BPIFA2: variants seen among roughly 807,000 people sequenced by gnomAD.
BPIFA2 encodes BPI fold containing family A member 2.
Under a neutral mutation model 25.7 loss-of-function variants are expected in BPIFA2, and 20 were observed. That is an observed-to-expected ratio of 0.78 (90% CI 0.55 to 1.13). The LOEUF (loss-of-function observed/expected upper bound fraction) is 1.13. BPIFA2 is among the 50% of genes most tolerant of loss of function. The probability of loss-of-function intolerance (pLI) is 0.00; values close to 1 mark genes in which losing one functional copy is unlikely to be tolerated. For missense variants in BPIFA2, 300 were observed against 298.1 expected, an observed-to-expected ratio of 1.01 and a Z score of -0.05; for synonymous variants, 126 against 124.3, an observed-to-expected ratio of 1.01 and a Z score of -0.09.
chr20:33,175,628 T>C, intron 5 of BPIFA2, 69 bp downstream of exon 5: 2 of 1,526,204 alleles, frequency 1.3e-6, no homozygotes, highest in Middle Eastern at 3.5e-4. Flanking sequence ...TCAGCTCTAG[T>C]CCTCTACCTA....
intron 1 of BPIFA2, among the ~76,000 whole-genome samples, chr20:33,168,826 A>G (rs1035561145): frequency 6.6e-6 from 1 of 152,196 alleles, no homozygotes; most frequent in African/African-American, 2.4e-5. Flanking sequence ...AATTGACCTA[A>G]GTGGAAAAGT....
At position 33,175,578 on chromosome 20, in the gene BPIFA2, A is replaced by G. The variant is rs1348855893; in HGVS notation, c.563+19A>G. 1 of 1,612,392 alleles carries G rather than the reference A, an allele frequency of 6.2e-7. No individual in the cohort carries two copies. The highest frequency in any genetic ancestry group is 1.1e-5 in the South Asian group (1 of 90,708). On this transcript the variant is annotated intron_variant, in intron 5 of 8. Transcript: ENST00000354932. ...TGGACAAGTAAGTCCCATTCATCTTAGTAGAGCTGGGCTCTCAGGGAACTT... is the reference window on the plus strand; with the variant it reads ...TGGACAAGTAAGTCCCATTCATCTTGGTAGAGCTGGGCTCTCAGGGAACTT...
intron 4 of BPIFA2, among the ~76,000 whole-genome samples, chr20:33,174,903 C>T (rs1218744466): frequency 6.6e-6 from 1 of 151,984 alleles, no homozygotes; most frequent in Non-Finnish European, 1.5e-5. Flanking sequence ...AGAGTGAGAC[C>T]CTGTCTCACA....
At chr20:33,174,835 G>A (rs777847595) in intron 4 of BPIFA2, among the ~76,000 whole-genome samples, 13 of 152,244 alleles carry the variant, frequency 8.5e-5, no homozygotes, top group South Asian at 4.2e-4. Flanking sequence ...TGCTTGAGCC[G>A]GAGAGGTCGA....
chr20:33,178,222 G>A lies in BPIFA2; in HGVS notation c.639G>A (p.Gln213=). ...AAAGCACTGTATCCTCCCTGCTGCA[G>A]AAGGAGGTGAGTCTCCCACTCCTTG... is the stretch of plus-strand genomic sequence containing the variant. ...TLKSTVSSLL[Q]KEICPLIRIF... The change falls in exon 6 of 9, where the codon CAG becomes CAA. Residue 213 remains glutamine, a synonymous_variant. Coordinates refer to ENST00000354932, the MANE Select transcript of BPIFA2 (RefSeq NM_080574.4). The A allele has an allele frequency of 6.3e-7, 1 of 1,590,464 alleles. No homozygotes were observed.
At chr20:33,168,518 A>G (rs1418537777) in intron 1 of BPIFA2, among the ~76,000 whole-genome samples, 2 of 152,214 alleles carry the variant, frequency 1.3e-5, no homozygotes, top group African/African-American at 4.8e-5. Flanking sequence ...CTAATGAACA[A>G]TGCAGGGTCA....
chr20:33,180,235 AAAG>A (rs946362192), intron 7 of BPIFA2, among the ~76,000 whole-genome samples: 84 of 152,130 alleles, frequency 5.5e-4, no homozygotes, highest in African/African-American at 1.8e-3. Flanking sequence ...AGAAAAAAAA[AAAG>A]AAGAAGAAGA....
intron 5 of BPIFA2, 152 bp from the exon 6 acceptor site, chr20:33,177,995 A>T: frequency 1.8e-6 from 1 of 562,954 alleles, no homozygotes; most frequent in South Asian, 2.3e-5. Context: ...GTGATGATCC[A>T]TGTGGATGGG....
chr20:33,165,286 G>A (rs916003403), upstream of BPIFA2, among the ~76,000 whole-genome samples: 6 of 152,220 alleles, frequency 3.9e-5, no homozygotes, highest in Non-Finnish European at 8.8e-5. Context: ...AAATTGGATG[G>A]ATGATTCGTA....
intron 4 of BPIFA2, 151 bp downstream of exon 4, chr20:33,174,337 A>C: frequency 1.5e-6 from 1 of 669,408 alleles, no homozygotes; most frequent in South Asian, 1.8e-5. Context: ...TCTGGGTCTA[A>C]GATCTTAACC....
At chr20:33,164,701 CT>C (rs1983676289), upstream of BPIFA2, among the ~76,000 whole-genome samples, 1 of 150,684 alleles carries the variant, frequency 6.6e-6, no homozygotes, top group Non-Finnish European at 1.5e-5. Flanking sequence ...TCTCTTTTTC[CT>C]TTCTTTCCTG....
chr20:33,167,797 T>G (rs1270502211), upstream of BPIFA2, among the ~76,000 whole-genome samples: 1 of 152,188 alleles, frequency 6.6e-6, no homozygotes, highest in African/African-American at 2.4e-5. Context: ...AGTTTCCAAA[T>G]GATGACGGAG....
At chr20:33,170,287 T>C (rs1301527074) in intron 2 of BPIFA2, among the ~76,000 whole-genome samples, 1 of 152,264 alleles carries the variant, frequency 6.6e-6, no homozygotes, top group Admixed American at 6.5e-5. Flanking sequence ...ATTACATCTC[T>C]TTTCTTATAC....
chr20:33,170,163 G>A (rs543100403), intron 2 of BPIFA2, among the ~76,000 whole-genome samples: 48 of 152,248 alleles, frequency 3.2e-4, no homozygotes, highest in African/African-American at 1.0e-3. Flanking sequence ...AAGTCACCTC[G>A]TGAATTATAC....
upstream of BPIFA2, among the ~76,000 whole-genome samples, chr20:33,165,445 A>G (rs569538624): frequency 1.3e-5 from 2 of 152,284 alleles, no homozygotes; most frequent in African/African-American, 4.8e-5. Flanking sequence ...TGTCCACAGG[A>G]GAAGGAAGGT....
chr20:33,164,580 TCTTC>T (rs754949510), upstream of BPIFA2, among the ~76,000 whole-genome samples: 5 of 149,238 alleles, frequency 3.4e-5, no homozygotes, highest in Non-Finnish European at 5.9e-5. Context: ...TTTCTTTCTT[TCTTC>T]CTTCCCTCTC....
chr20:33,173,336 C>T (rs1399338580), intron 3 of BPIFA2, among the ~76,000 whole-genome samples: 1 of 152,122 alleles, frequency 6.6e-6, no homozygotes, highest in East Asian at 1.9e-4. Context: ...TTTATCCTTA[C>T]CTCTACCCAT....
chr20:33,175,610 C>T (rs757246239), intron 5 of BPIFA2, 51 bp downstream of exon 5: 2 of 1,583,674 alleles, frequency 1.3e-6, no homozygotes, highest in Admixed American at 1.7e-5. Context: ...ACTTGAGGAC[C>T]CCTAATTTCA....
rs146916336 is a variant in BPIFA2 at position 33,173,719 on chromosome 20, G to A, written c.303-360G>A. Among the ~76,000 whole-genome samples the A allele has an allele frequency of 5.3e-5, 8 of 152,298 alleles. 1 individual carries two copies. The highest frequency in any genetic ancestry group is 1.9e-4 in the African/African-American group (8 of 41,544). ...GGGTTTCTCCATGTTGGTCAGGCTG[G>A]TCTCGAACTCCCGACCTCAGGAGAT... On this transcript the variant is annotated intron_variant, in intron 3 of 8. Transcript: ENST00000354932.
Sources: gnomAD v4.1 joint callset for allele counts (sites outside exome capture counted in the v4.1 genomes callset) on GRCh38, gnomAD v4.1.1 for gene constraint, MANE v1.5 for transcripts, NCBI Gene and HGNC (gene_info 2026-07-23, HGNC 2026-07-21) for gene names.